LRBA: variants seen among roughly 807,000 people sequenced by gnomAD.
LRBA encodes LPS responsive beige-like anchor protein.
In LRBA, 176 loss-of-function variants were observed where a neutral mutation model predicts 330.0. The ratio of observed to expected loss-of-function variants is 0.53; its 90% CI spans 0.47 to 0.60. The LOEUF (loss-of-function observed/expected upper bound fraction) is 0.60, where lower values mean the gene tolerates loss of function less well. LRBA is among the 20% of genes least tolerant of loss of function. The pLI is 0.00. For synonymous variants in LRBA, 1,230 were observed against 1,193.0 expected (o/e 1.03, Z -0.64); for missense variants, 3,259 against 3,444.8 (o/e 0.95, Z 1.35).
intron 40 of LRBA, among the ~76,000 whole-genome samples, chr4:150,553,017 C>T (rs938500888): frequency 2.7e-5 from 4 of 150,150 alleles, no homozygotes; most frequent in African/African-American, 9.8e-5. Context: ...TGCAGTGAGC[C>T]GAGATCATGC....
At chr4:150,542,767 C>T (rs921504716) in intron 40 of LRBA, among the ~76,000 whole-genome samples, 1 of 152,006 alleles carries the variant, frequency 6.6e-6, no homozygotes, top group African/African-American at 2.4e-5. Flanking sequence ...AATCCAGAAT[C>T]GAAAAACAAA....
chr4:150,968,552 GC>G (rs1189933747), intron 2 of LRBA, among the ~76,000 whole-genome samples: 1 of 152,174 alleles, frequency 6.6e-6, no homozygotes, highest in Admixed American at 6.5e-5. Context: ...CCAGTGCAAG[GC>G]CCTAACTCTC....
rs180713491 is a variant in LRBA, at chr4:150,301,013, A to G, written c.8017+1612T>C. Reference sequence around the variant, plus strand: ...TGAAATACCTTACATTTTTAAGGCAAGAAAAAGTTCTTAAATATTTTGAGA... The same window carrying G: ...TGAAATACCTTACATTTTTAAGGCAGGAAAAAGTTCTTAAATATTTTGAGA... On this transcript the variant is annotated intron_variant, in intron 53 of 56. Coordinates refer to ENST00000651943, the MANE Select transcript of LRBA (RefSeq NM_001364905.1). Among the ~76,000 whole-genome samples the G allele has an allele frequency of 2.6e-5, 4 of 152,182 alleles. No individual in the cohort carries two copies. The East Asian group carries it at 5.8e-4, about 22-fold the overall frequency.
intron 40 of LRBA, among the ~76,000 whole-genome samples, chr4:150,523,605 T>G (rs1028286526): frequency 2.4e-4 from 37 of 152,172 alleles, no homozygotes; most frequent in African/African-American, 8.9e-4. Context: ...TGAGGAATTA[T>G]ATGAGATCCA....
intron 37 of LRBA, among the ~76,000 whole-genome samples, chr4:150,643,867 T>G (rs1226035653): frequency 6.6e-6 from 1 of 151,928 alleles, no homozygotes; most frequent in East Asian, 1.9e-4. Context: ...TAAATTTTTA[T>G]TGGAACAGAG....
At chr4:150,508,687 T>C (rs1021507895) in intron 40 of LRBA, among the ~76,000 whole-genome samples, 5 of 152,214 alleles carry the variant, frequency 3.3e-5, no homozygotes, top group Admixed American at 6.5e-5. Context: ...ATCCTAATTG[T>C]TTATGATCTG....
chr4:150,592,183 C>G (rs1772967153), intron 38 of LRBA, among the ~76,000 whole-genome samples: 1 of 107,600 alleles, frequency 9.3e-6, no homozygotes, highest in East Asian at 3.7e-4. Context: ...TCCACTGCAG[C>G]TTCTGCCTAG....
At chr4:150,530,614 C>T (rs1037392203) in intron 40 of LRBA, among the ~76,000 whole-genome samples, 2 of 152,164 alleles carry the variant, frequency 1.3e-5, no homozygotes, top group African/African-American at 4.8e-5. Flanking sequence ...CATCTGGCAG[C>T]TGGCTTATAA....
intron 35 of LRBA, among the ~76,000 whole-genome samples, chr4:150,749,349 C>T (rs1216015520): frequency 1.3e-5 from 2 of 152,010 alleles, no homozygotes; most frequent in African/African-American, 2.4e-5. Context: ...GCAGGAGGAT[C>T]GCTTGAGCTC....
intron 2 of LRBA, among the ~76,000 whole-genome samples, chr4:150,951,946 A>G (rs1003422943): frequency 1.3e-5 from 2 of 152,244 alleles, no homozygotes; most frequent in African/African-American, 4.8e-5. Context: ...AGTATTCAAA[A>G]AGTTTATGCT....
intron 40 of LRBA, among the ~76,000 whole-genome samples, chr4:150,505,862 C>T (rs1456284700): frequency 6.6e-6 from 1 of 152,088 alleles, no homozygotes; most frequent in Non-Finnish European, 1.5e-5. Flanking sequence ...AGAGAAGAAT[C>T]AAACAGACGT....
chr4:150,435,790 T>G (rs899673129), intron 45 of LRBA, 82 bp from the exon 46 acceptor site: 2 of 1,071,812 alleles, frequency 1.9e-6, no homozygotes, highest in Non-Finnish European at 2.7e-6. Flanking sequence ...AACTAAATAC[T>G]TTAATGACTA....
intron 39 of LRBA, among the ~76,000 whole-genome samples, chr4:150,589,132 T>C (rs180849270): frequency 3.9e-5 from 6 of 152,080 alleles, no homozygotes; most frequent in Middle Eastern, 6.8e-3. Context: ...CCTCATGGTA[T>C]AAATCCTATA....
chr4:150,484,713 A>C (rs62344696), intron 42 of LRBA, among the ~76,000 whole-genome samples: 688 of 151,542 alleles, frequency 4.5e-3, no homozygotes, highest in Non-Finnish European at 8.1e-3. Context: ...AGCTAAGATC[A>C]TTGATTTTAG....
chr4:150,864,866 T>C (rs1317425642), intron 22 of LRBA, among the ~76,000 whole-genome samples: 1 of 152,024 alleles, frequency 6.6e-6, no homozygotes, highest in African/African-American at 2.4e-5. Flanking sequence ...AGGCTGGTCC[T>C]GAACTCCTGA....
rs1013937189 is a variant in LRBA at position 150,472,320 on chromosome 4, A to G, written c.6552-581T>C. ...ATCAGTGAATAGAACTGATCAATAC[A>G]AAGAGTAGTGAGAAACAGATGGCAG... On this transcript the variant is annotated intron_variant, in intron 42 of 56. Transcript: ENST00000651943. Among the ~76,000 whole-genome samples, 4 of 152,194 alleles carry G rather than the reference A, an allele frequency of 2.6e-5. No individual in the cohort carries two copies. The South Asian group carries it at 8.3e-4, about 32-fold the overall frequency.
chr4:150,476,223 G>T (rs1175572632), intron 42 of LRBA, among the ~76,000 whole-genome samples: 1 of 152,002 alleles, frequency 6.6e-6, no homozygotes, highest in African/African-American at 2.4e-5. Flanking sequence ...TTCAGATATG[G>T]GTGTTTAAAG....
At chr4:150,417,715 G>A (rs1747980071) in intron 46 of LRBA, among the ~76,000 whole-genome samples, 1 of 152,060 alleles carries the variant, frequency 6.6e-6, no homozygotes, top group Non-Finnish European at 1.5e-5. Context: ...TTTGAGAGAT[G>A]CATCATTTCC....
At chr4:150,423,567 C>G (rs912305809) in intron 46 of LRBA, 1 of 372,246 alleles carries the variant, frequency 2.7e-6, no homozygotes. Flanking sequence ...CTGTTGCTCC[C>G]TGTCTTTACC....
Sources: allele counts gnomAD v4.1 joint callset (sites outside exome capture counted in the v4.1 genomes callset), GRCh38; gene constraint gnomAD v4.1.1; transcripts MANE v1.5; gene names NCBI Gene and HGNC (gene_info 2026-07-23, HGNC 2026-07-21).